The following PIK3C2G variants were observed in gnomAD, a reference collection of about 807,000 sequenced individuals.
PIK3C2G encodes phosphatidylinositol 3-kinase C2 domain-containing subunit gamma.
A neutral mutation model predicts 181.1 loss-of-function variants in PIK3C2G; 168 were observed. The observed-to-expected ratio is 0.93, with a 90% confidence interval of 0.82 to 1.05. PIK3C2G has a LOEUF of 1.05. PIK3C2G is among the 50% of genes least tolerant of loss of function. The probability of loss-of-function intolerance (pLI) is 0.00; values close to 1 mark genes in which losing one functional copy is unlikely to be tolerated. For synonymous variants in PIK3C2G, 573 were observed against 592.2 expected (o/e 0.97, Z 0.47); for missense variants, 1,869 against 1,732.8 (o/e 1.08, Z -1.40).
chr12:18,458,854 A>T (rs1000466707), intron 18 of PIK3C2G, among the ~76,000 whole-genome samples: 7 of 128,976 alleles, frequency 5.4e-5, no homozygotes, highest in Non-Finnish European at 1.2e-4. Flanking sequence ...CAGCCAGTTT[A>T]AAAAAAAAAA....
intron 24 of PIK3C2G, among the ~76,000 whole-genome samples, chr12:18,519,661 T>C (rs1942782761): frequency 6.6e-6 from 1 of 152,162 alleles, no homozygotes; most frequent in African/African-American, 2.4e-5. Flanking sequence ...TGGTCTTGAC[T>C]CTTTATCCAA....
chr12:18,681,933 G>T, the PIK3C2G span, among the ~76,000 whole-genome samples: 1 of 152,036 alleles, frequency 6.6e-6, no homozygotes, highest in African/African-American at 2.4e-5. Flanking sequence ...AAAGGCCTTA[G>T]GAGATTAGGG....
chr12:18,308,141 C>G (rs1470842089), intron 5 of PIK3C2G, among the ~76,000 whole-genome samples: 1 of 151,788 alleles, frequency 6.6e-6, no homozygotes, highest in Non-Finnish European at 1.5e-5. Context: ...ACAAACTGAT[C>G]AAAATTGTGG....
At chr12:18,446,071 T>TAA (rs1947008948) in intron 18 of PIK3C2G, among the ~76,000 whole-genome samples, 1 of 152,192 alleles carries the variant, frequency 6.6e-6, no homozygotes, top group Non-Finnish European at 1.5e-5. Context: ...GAAAACCCTA[T>TAA]AATTAGCCAT....
At chr12:18,349,672 A>G (rs1940025362) in intron 11 of PIK3C2G, among the ~76,000 whole-genome samples, 1 of 152,154 alleles carries the variant, frequency 6.6e-6, no homozygotes, top group Non-Finnish European at 1.5e-5. Flanking sequence ...CTCTCTATAG[A>G]TTGAAAGTGC....
chr12:18,676,609 A>T, the PIK3C2G span, among the ~76,000 whole-genome samples: 1 of 152,108 alleles, frequency 6.6e-6, no homozygotes, highest in Non-Finnish European at 1.5e-5. Context: ...TCTGTTGTAG[A>T]CTACAAAGAA....
chr12:18,683,132 T>C, the PIK3C2G span: 4 of 937,570 alleles, frequency 4.3e-6, no homozygotes, highest in African/African-American at 5.0e-5. Context: ...TTTCTAGTTT[T>C]ATGAGTAATT....
chr12:18,590,923 G>C (rs1223203559), intron 29 of PIK3C2G, among the ~76,000 whole-genome samples: 1 of 152,006 alleles, frequency 6.6e-6, no homozygotes, highest in African/African-American at 2.4e-5. Flanking sequence ...GGAATAATTA[G>C]CTAGTAGTGA....
intron 25 of PIK3C2G, among the ~76,000 whole-genome samples, chr12:18,541,833 T>C (rs1264698179): frequency 6.6e-6 from 1 of 151,848 alleles, no homozygotes; most frequent in Non-Finnish European, 1.5e-5. Context: ...TGTACCCGGC[T>C]AAGAGGCCAT....
intron 30 of PIK3C2G, 23 bp from the exon 31 acceptor site, chr12:18,609,512 C>G (rs559227708): frequency 2.0e-5 from 29 of 1,443,034 alleles, no homozygotes; most frequent in Non-Finnish European, 2.8e-5. Flanking sequence ...ACTGAACTCA[C>G]TGAAATTCTA....
intron 14 of PIK3C2G, among the ~76,000 whole-genome samples, chr12:18,386,177 A>C (rs1391011991): frequency 4.0e-5 from 6 of 151,844 alleles, no homozygotes; most frequent in Non-Finnish European, 7.4e-5. Flanking sequence ...CCAGGCTCTC[A>C]CCAAAGACAA....
chr12:18,368,812 T>A (rs1358203140), intron 12 of PIK3C2G, among the ~76,000 whole-genome samples: 1 of 152,128 alleles, frequency 6.6e-6, no homozygotes, highest in East Asian at 1.9e-4. Context: ...TCAAATTCAA[T>A]TATGGTCATT....
At position 18,526,446 on chromosome 12, in the gene PIK3C2G, G is replaced by T. The variant is rs560646550; in HGVS notation, c.3324-11710G>T. 4.9e-4 allele frequency among the ~76,000 whole-genome samples: 75 copies of T among 152,192 alleles called. 1 individual carries two copies. The East Asian group carries it at 9.7e-3, about 20-fold the overall frequency. On this transcript the variant is annotated intron_variant, in intron 24 of 32. Coordinates refer to ENST00000538779, the MANE Select transcript of PIK3C2G (RefSeq NM_001288772.2). ...TGAGTGTTTTAAGGATATCTTTGTA[G>T]CCTAAGCACCAAGCATAGAGCAGAG...
intron 5 of PIK3C2G, among the ~76,000 whole-genome samples, chr12:18,302,875 TAA>T (rs1048634986): frequency 2.0e-5 from 3 of 152,026 alleles, no homozygotes; most frequent in Non-Finnish European, 4.4e-5. Context: ...GCAGGCAGGC[TAA>T]GTCTTTTGTC....
At chr12:18,583,400 G>T (rs1315651326) in intron 29 of PIK3C2G, among the ~76,000 whole-genome samples, 1 of 152,050 alleles carries the variant, frequency 6.6e-6, no homozygotes, top group Non-Finnish European at 1.5e-5. Flanking sequence ...CTCCTCAGTG[G>T]GTGGGTCCTC....
intron 29 of PIK3C2G, among the ~76,000 whole-genome samples, chr12:18,583,717 C>T (rs1946622134): frequency 6.6e-6 from 1 of 152,064 alleles, no homozygotes; most frequent in African/African-American, 2.4e-5. Flanking sequence ...CCCTGCCTAA[C>T]CACTTTAATC....
chr12:18,258,869 G>T (rs1386595535), upstream of PIK3C2G, among the ~76,000 whole-genome samples: 1 of 151,998 alleles, frequency 6.6e-6, no homozygotes, highest in African/African-American at 2.4e-5. Context: ...TCTTTATAAA[G>T]AATTTCATAT....
chr12:18,332,757 C>T (rs1289418407), intron 8 of PIK3C2G, among the ~76,000 whole-genome samples: 2 of 152,080 alleles, frequency 1.3e-5, no homozygotes, highest in Admixed American at 6.5e-5. Context: ...GTTTGCTGCT[C>T]CTCCTCGTGC....
intron 16 of PIK3C2G, among the ~76,000 whole-genome samples, chr12:18,403,701 T>G (rs1944374102): frequency 6.6e-6 from 1 of 152,108 alleles, no homozygotes; most frequent in African/African-American, 2.4e-5. Context: ...ATGATGAAAT[T>G]TAATTTACCT....
Sources: allele counts gnomAD v4.1 joint callset (sites outside exome capture counted in the v4.1 genomes callset), GRCh38; gene constraint gnomAD v4.1.1; transcripts MANE v1.5; gene names NCBI Gene and HGNC (gene_info 2026-07-23, HGNC 2026-07-21).